The following TTC13 variants were observed in gnomAD, a reference collection of about 807,000 sequenced individuals.
The protein encoded by TTC13 is tetratricopeptide repeat domain 13, also known as tetratricopeptide repeat protein 13.
In TTC13, 62 loss-of-function variants were observed where a neutral mutation model predicts 120.0. The ratio of observed to expected loss-of-function variants is 0.52; its 90% CI spans 0.42 to 0.64. TTC13 has a LOEUF of 0.64. Among genes scored for constraint, TTC13 ranks in the 30% least tolerant of loss-of-function variants. The pLI is 0.00. For missense variants in TTC13, 824 were observed against 1,050.2 expected (o/e 0.78, Z 2.98); for synonymous variants, 384 against 393.5 (o/e 0.98, Z 0.28).
Position 230,942,110 on chromosome 1 carries a change from T to C in TTC13, c.673-1554A>G, listed in dbSNP as rs1674580633. Among the ~76,000 whole-genome samples, 1 of 152,214 alleles carries C rather than the reference T, an allele frequency of 6.6e-6. No individual in the cohort carries two copies. Among genetic ancestry groups the C allele is most frequent in the Non-Finnish European group, 1.5e-5 (1 of 68,030 alleles). ...TAAAAATTATTTTTCTAATTACCAA[T>C]GCCATTTTTGATAAACAGTAGTTTT... is the stretch of plus-strand genomic sequence containing the variant. On this transcript the variant is annotated intron_variant, in intron 6 of 22. Coordinates refer to ENST00000366661, the MANE Select transcript of TTC13 (RefSeq NM_024525.5). The surrounding 1 kb of genome is among the most constrained non-coding windows in gnomAD (Gnocchi z 4.0).
chr1:230,947,444 T>A (rs1159842504), intron 4 of TTC13, among the ~76,000 whole-genome samples: 2 of 152,128 alleles, frequency 1.3e-5, no homozygotes, highest in South Asian at 2.1e-4. Flanking sequence ...GTAAGCCCAG[T>A]GAGCTCATCC....
chr1:230,918,061 T>A (rs937779474), intron 17 of TTC13, among the ~76,000 whole-genome samples: 14 of 152,374 alleles, frequency 9.2e-5, no homozygotes, highest in South Asian at 4.1e-4. Flanking sequence ...ACATAATGTA[T>A]GATTTTCTAA....
intron 5 of TTC13, 89 bp downstream of exon 5, chr1:230,945,299 AG>A: frequency 8.8e-7 from 1 of 1,133,454 alleles, no homozygotes; most frequent in Non-Finnish European, 1.3e-6. Flanking sequence ...CATCCCATCA[AG>A]GGTCAATGAA....
chr1:230,976,972 C>T (rs1000891956), intron 1 of TTC13, among the ~76,000 whole-genome samples: 1 of 152,212 alleles, frequency 6.6e-6, no homozygotes, highest in Non-Finnish European at 1.5e-5. Context: ...GAAATTTACC[C>T]AACATGCACC....
intron 16 of TTC13, 58 bp downstream of exon 16, chr1:230,921,363 C>T (rs752726969): frequency 9.4e-7 from 1 of 1,060,146 alleles, no homozygotes; most frequent in Non-Finnish European, 1.4e-6. Flanking sequence ...AAAAATATAA[C>T]AAATATAAAA....
intron 15 of TTC13, among the ~76,000 whole-genome samples, chr1:230,922,255 T>C (rs7525452): frequency 0.68 from 103,747 of 152,010 alleles, 35,503 homozygotes; most frequent in Admixed American, 0.72. Context: ...TGCAGCCCAC[T>C]GCCAGTGCTC....
In TTC13 at chr1:230,942,634, A is replaced by C. The variant is rs1674620541; in HGVS notation, c.672+1172T>G. On this transcript the variant is annotated intron_variant, in intron 6 of 22. Transcript: ENST00000366661. The surrounding 1 kb of genome is among the most constrained non-coding windows in gnomAD (Gnocchi z 4.0). ...TATGAGATCATATCAGATGATTAAA[A>C]GTTGTTTTATTCAGACTAAATACAT... Among the ~76,000 whole-genome samples, 1 of 152,238 alleles carries C rather than the reference A, an allele frequency of 6.6e-6. No individual in the cohort carries two copies. Among genetic ancestry groups the C allele is most frequent in the Admixed American group, 6.5e-5 (1 of 15,290 alleles).
chr1:230,969,901 C>G (rs1677549551), intron 1 of TTC13, among the ~76,000 whole-genome samples: 1 of 152,160 alleles, frequency 6.6e-6, no homozygotes, highest in African/African-American at 2.4e-5. Flanking sequence ...TTAAATTTTT[C>G]TATCTGCTTT....
chr1:230,913,160 C>T (rs1198908969), intron 18 of TTC13, among the ~76,000 whole-genome samples: 1 of 152,140 alleles, frequency 6.6e-6, no homozygotes, highest in Non-Finnish European at 1.5e-5. Flanking sequence ...AGTTCAGGGA[C>T]TACACCATGG....
At chr1:230,954,045 C>T (rs902451571) in intron 4 of TTC13, among the ~76,000 whole-genome samples, 1 of 152,100 alleles carries the variant, frequency 6.6e-6, no homozygotes, top group African/African-American at 2.4e-5. Flanking sequence ...GCATTTGAAT[C>T]CCATCTCTGC....
chr1:230,920,591 A>G lies in TTC13; in HGVS notation c.1902T>C (p.Ala634=), dbSNP rs745877019. 6.4e-7 allele frequency: 1 copy of G among 1,568,006 alleles called. No individual in the cohort carries two copies. Among genetic ancestry groups the G allele is most frequent in the South Asian group, 1.2e-5 (1 of 83,178 alleles). Residue 634 remains alanine, a synonymous_variant, in exon 17 of 23, where the codon GCT becomes GCC. Coordinates refer to ENST00000366661, the MANE Select transcript of TTC13 (RefSeq NM_024525.5). ...IKDRILVYHG[A]NNPKGLLEVR... Reference sequence around the variant, plus strand: ...CTTCCAGCAATCCTTTAGGATTATTAGCTCTTAAAGAGAGACAGAGAGAGA... The same window carrying G: ...CTTCCAGCAATCCTTTAGGATTATTGGCTCTTAAAGAGAGACAGAGAGAGA...
At chr1:230,931,692 A>G in intron 10 of TTC13, 44 bp downstream of exon 10, 1 of 1,605,788 alleles carries the variant, frequency 6.2e-7, no homozygotes. Flanking sequence ...ATGAAGAATA[A>G]TCCAGTAATT....
chr1:230,911,538 A>C lies in TTC13; in HGVS notation c.2241T>G (p.Ala747=), dbSNP rs776220112. ...CTAAGGATAAGATTAAGTTGCAGAC[A>C]GCATCAGCCTCCTAGAAAAAAAAGA... is the stretch of plus-strand genomic sequence containing the variant. ...ILSSEFGEAD[A]VCNLILSLVY... is the part of the protein sequence containing the mutation. The change falls in exon 20 of 23, where the codon GCT becomes GCG. Residue 747 remains alanine, a synonymous_variant. Coordinates refer to ENST00000366661, the MANE Select transcript of TTC13 (RefSeq NM_024525.5). The C allele has an allele frequency of 5.7e-6, 9 of 1,587,038 alleles. No individual in the cohort carries two copies. The South Asian group carries it at 1.0e-4, about 18-fold the overall frequency.
chr1:230,978,245 A>C lies in TTC13; in HGVS notation c.271+315T>G, dbSNP rs570671257. On this transcript the variant is annotated intron_variant, in intron 1 of 22. Coordinates refer to ENST00000366661, the MANE Select transcript of TTC13 (RefSeq NM_024525.5). The surrounding 1 kb of genome is among the most constrained non-coding windows in gnomAD (Gnocchi z 5.6). ...GGCGGGAACAGGGCTGCCCCGGGCCACCTGCCATCTCCTCCGCCACCCTTC... is the reference window on the plus strand; with the variant it reads ...GGCGGGAACAGGGCTGCCCCGGGCCCCCTGCCATCTCCTCCGCCACCCTTC... 2.0e-5 allele frequency among the ~76,000 whole-genome samples: 3 copies of C among 152,098 alleles called. No individual in the cohort carries two copies. Among genetic ancestry groups the C allele is most frequent in the Middle Eastern group, 3.4e-3 (1 of 294 alleles).
intron 19 of TTC13, 25 bp from the exon 20 acceptor site, chr1:230,911,574 T>C (rs766260890): frequency 3.5e-6 from 5 of 1,440,510 alleles, no homozygotes; most frequent in Non-Finnish European, 4.8e-6. Context: ...TACAGACTCA[T>C]AAATACTATA....
At position 230,942,255 on chromosome 1, in the gene TTC13, C is replaced by T. The variant is rs191228581; in HGVS notation, c.672+1551G>A. On this transcript the variant is annotated intron_variant, in intron 6 of 22. Transcript: ENST00000366661. The surrounding 1 kb of genome is among the most constrained non-coding windows in gnomAD (Gnocchi z 4.0). ...ATATAGGGGAAAAAACATCAGTCCC[C>T]CCTACCAGAAGCAGATGATTACCAA... Among the ~76,000 whole-genome samples the T allele has an allele frequency of 5.0e-3, 763 of 152,170 alleles. 7 individuals carry two copies. The highest frequency in any genetic ancestry group is 0.017 in the African/African-American group (706 of 41,498).
chr1:230,964,810 C>G (rs1025158543), intron 1 of TTC13, among the ~76,000 whole-genome samples: 1 of 152,060 alleles, frequency 6.6e-6, no homozygotes, highest in Non-Finnish European at 1.5e-5. Context: ...AAATAGAGAA[C>G]CCAGAAACAA....
At chr1:230,961,395 C>A (rs1171493228) in intron 1 of TTC13, 92 bp from the exon 2 acceptor site, 2 of 913,998 alleles carry the variant, frequency 2.2e-6, no homozygotes, top group Non-Finnish European at 3.4e-6. Context: ...CTCCACAGAA[C>A]CAAAATAAGA....
chr1:230,933,111 T>C (rs1673711663), intron 9 of TTC13, among the ~76,000 whole-genome samples: 1 of 152,116 alleles, frequency 6.6e-6, no homozygotes, highest in Non-Finnish European at 1.5e-5. Context: ...TAGTTGGGAT[T>C]ACAGGAACCC....
Sources: gnomAD v4.1 joint callset for allele counts (sites outside exome capture counted in the v4.1 genomes callset) on GRCh38, gnomAD v4.1.1 for gene constraint, Gnocchi (gnomAD v3.1) non-coding constraint, MANE v1.5 for transcripts, NCBI Gene and HGNC (gene_info 2026-07-23, HGNC 2026-07-21) for gene names.